The following PCDHGB3 variants were observed in gnomAD, a reference collection of about 807,000 sequenced individuals.
PCDHGB3 encodes the protein protocadherin gamma subfamily B, 3.
A neutral mutation model predicts 59.2 loss-of-function variants in PCDHGB3; 40 were observed. That is an observed-to-expected ratio of 0.68 (90% CI 0.52 to 0.88). The LOEUF (loss-of-function observed/expected upper bound fraction) is 0.88, where lower values mean the gene tolerates loss of function less well. PCDHGB3 is among the 40% of genes least tolerant of loss of function. PCDHGB3 has a pLI of 0.00. For synonymous variants in PCDHGB3, 581 were observed against 503.6 expected, an observed-to-expected ratio of 1.15 and a Z score of -2.06; for missense variants, 1,309 against 1,187.9, an observed-to-expected ratio of 1.10 and a Z score of -1.50.
chr5:141,453,560 G>A (rs1230229107), intron 1 of PCDHGB3, among the ~76,000 whole-genome samples: 3 of 151,968 alleles, frequency 2.0e-5, no homozygotes, highest in Admixed American at 6.6e-5. Flanking sequence ...GTAGATAATC[G>A]ATTTCATTAG....
intron 1 of PCDHGB3, chr5:141,400,399 A>G: frequency 6.2e-7 from 1 of 1,614,054 alleles, no homozygotes; most frequent in Non-Finnish European, 8.5e-7. Context: ...TACAGGAAAG[A>G]CGGAGTTTAA....
chr5:141,431,447 G>C lies in PCDHGB3; in HGVS notation c.2415+58638G>C. ...GCGCACAGGCACCGCGCGCATCCGC[G>C]TGATGGTTCTGGATGCGAACGACAA... is the stretch of plus-strand genomic sequence containing the variant. On this transcript the variant is annotated intron_variant, in intron 1 of 3. Coordinates refer to ENST00000576222, the MANE Select transcript of PCDHGB3 (RefSeq NM_018924.5). The surrounding 1 kb of genome is among the most constrained non-coding windows in gnomAD (Gnocchi z 4.8). The C allele has an allele frequency of 6.2e-7, 1 of 1,613,792 alleles. No individual in the cohort carries two copies. Among genetic ancestry groups the C allele is most frequent in the Non-Finnish European group, 8.5e-7 (1 of 1,180,014 alleles).
chr5:141,507,113 C>G (rs1401559943), intron 3 of PCDHGB3: 1 of 152,220 alleles, frequency 6.6e-6, no homozygotes, highest in Non-Finnish European at 1.5e-5. Context: ...GGGACCATGG[C>G]TGCCTTTGGA....
chr5:141,374,644 T>C (rs767129187), intron 1 of PCDHGB3: 85 of 1,612,642 alleles, frequency 5.3e-5, no homozygotes, highest in Middle Eastern at 3.3e-4. Context: ...GCGAAGCCCA[T>C]GGGCCCAAGT....
intron 1 of PCDHGB3, among the ~76,000 whole-genome samples, chr5:141,425,336 G>A (rs2096868804): frequency 6.6e-6 from 1 of 152,182 alleles, no homozygotes; most frequent in South Asian, 2.1e-4. Flanking sequence ...CAAAAAGGAA[G>A]GGTTGGCTTT....
intron 1 of PCDHGB3, chr5:141,421,806 A>C (rs1027166084): frequency 4.3e-6 from 7 of 1,613,724 alleles, no homozygotes; most frequent in Non-Finnish European, 5.1e-6. Flanking sequence ...CCAAGAATCC[A>C]GAGCTAGTAC....
At chr5:141,480,625 G>A (rs1041569361) in intron 1 of PCDHGB3, among the ~76,000 whole-genome samples, 2 of 152,070 alleles carry the variant, frequency 1.3e-5, no homozygotes, top group Non-Finnish European at 2.9e-5. Flanking sequence ...ATTTTCCCTA[G>A]AACAATGTTT....
At chr5:141,408,769 C>T in intron 1 of PCDHGB3, 1 of 1,611,166 alleles carries the variant, frequency 6.2e-7, no homozygotes, top group Non-Finnish European at 8.5e-7. Context: ...CCGATGGTGG[C>T]AAATACCCAG....
intron 1 of PCDHGB3, chr5:141,423,903 AG>A: frequency 7.8e-7 from 1 of 1,276,130 alleles, no homozygotes. Context: ...TTGATTTCAA[AG>A]GGGCCATTCA....
intron 1 of PCDHGB3, chr5:141,400,330 G>A (rs2094004189): frequency 6.2e-7 from 1 of 1,614,082 alleles, no homozygotes; most frequent in Admixed American, 1.7e-5. Flanking sequence ...TGGACCTGTG[G>A]TTCCCCCCAA....
At position 141,419,527 on chromosome 5, in the gene PCDHGB3, C is replaced by G. The variant is rs755936657; in HGVS notation, c.2415+46718C>G. ...TGCGCGTGTTGGTGGGCGACCGTAA[C>G]GACAACGCACCGCGGGTGCTGTACC... is the stretch of plus-strand genomic sequence containing the variant. On this transcript the variant is annotated intron_variant, in intron 1 of 3. Transcript: ENST00000576222. The G allele has an allele frequency of 6.8e-5, 110 of 1,612,064 alleles. 2 individuals carry two copies. In the South Asian group the frequency reaches 9.6e-4, roughly 14 times the overall value.
chr5:141,491,800 C>T lies in PCDHGB3; in HGVS notation c.2416-3007C>T. The T allele has an allele frequency of 6.7e-7, 1 of 1,500,854 alleles. No individual in the cohort carries two copies. Among genetic ancestry groups the T allele is most frequent in the Non-Finnish European group, 8.9e-7 (1 of 1,125,316 alleles). 93.0% of individuals were successfully genotyped at this position (1,500,854 alleles called of 1,614,324 possible). A position where few individuals can be genotyped will look rare whatever the true frequency, so the allele number is the denominator to read the frequency against. Reference sequence around the variant, plus strand: ...GAACTTGCATCCACTCCTCTCCGGCCGGCTTGGTCGCTGGCTGCGCTCCAC... The same window carrying T: ...GAACTTGCATCCACTCCTCTCCGGCTGGCTTGGTCGCTGGCTGCGCTCCAC... On this transcript the variant is annotated intron_variant, in intron 1 of 3. Transcript: ENST00000576222. The surrounding 1 kb of genome is among the most constrained non-coding windows in gnomAD (Gnocchi z 6.9).
chr5:141,383,253 T>C (rs563605516), intron 1 of PCDHGB3: 4 of 1,613,928 alleles, frequency 2.5e-6, no homozygotes, highest in Middle Eastern at 1.6e-4. Context: ...ATCTTTACCC[T>C]ATAGACGTGG....
At chr5:141,423,598 C>A in intron 1 of PCDHGB3, 1 of 1,612,940 alleles carries the variant, frequency 6.2e-7, no homozygotes, top group East Asian at 2.2e-5. Flanking sequence ...GAAAAGCGAG[C>A]CACTCTTGAT....
chr5:141,419,461 C>T, intron 1 of PCDHGB3: 2 of 1,612,628 alleles, frequency 1.2e-6, no homozygotes, highest in Non-Finnish European at 1.7e-6. Flanking sequence ...CGCTGCAGGC[C>T]CGCGACCAGG....
At chr5:141,438,949 A>G (rs538626951) in intron 1 of PCDHGB3, among the ~76,000 whole-genome samples, 1 of 152,170 alleles carries the variant, frequency 6.6e-6, no homozygotes, top group East Asian at 1.9e-4. Flanking sequence ...TATAGGCATG[A>G]GCCACCGCAC....
chr5:141,474,993 C>A (rs1313232385), intron 1 of PCDHGB3, among the ~76,000 whole-genome samples: 24 of 152,324 alleles, frequency 1.6e-4, no homozygotes. Context: ...GACAACAATT[C>A]TAAATGCAGA....
chr5:141,423,503 C>T (rs1225012888), intron 1 of PCDHGB3: 2 of 1,613,984 alleles, frequency 1.2e-6, no homozygotes, highest in South Asian at 2.2e-5. Context: ...CACGAGGTCT[C>T]TCTCATTGCG....
intron 1 of PCDHGB3, chr5:141,415,515 G>C: frequency 6.2e-7 from 1 of 1,614,152 alleles, no homozygotes; most frequent in Non-Finnish European, 8.5e-7. Flanking sequence ...CCAATTATGC[G>C]GACACGCTCA....
Sources: allele counts gnomAD v4.1 joint callset (sites outside exome capture counted in the v4.1 genomes callset), GRCh38; gene constraint gnomAD v4.1.1; non-coding constraint Gnocchi (gnomAD v3.1); transcripts MANE v1.5; gene names NCBI Gene and HGNC (gene_info 2026-07-23, HGNC 2026-07-21).